TP63: variants seen among roughly 807,000 people sequenced by gnomAD.
TP63 encodes the protein tumor protein p63.
A neutral mutation model predicts 82.8 loss-of-function variants in TP63; 17 were observed. The ratio of observed to expected loss-of-function variants is 0.21; its 90% CI spans 0.14 to 0.31. The LOEUF is 0.31. Ranked by LOEUF, TP63 falls within the 10% of genes least tolerant of loss-of-function variation. The pLI is 1.00. For missense variants in TP63, 648 were observed against 895.3 expected (o/e 0.72, Z 3.52); for synonymous variants, 330 against 321.7 (o/e 1.03, Z -0.28).
chr3:189,757,163 CTA>C (rs1722245819), intron 3 of TP63, among the ~76,000 whole-genome samples: 1 of 152,146 alleles, frequency 6.6e-6, no homozygotes, highest in Non-Finnish European at 1.5e-5. Context: ...GATGAGAAAA[CTA>C]TTAAGATCCA....
chr3:189,674,301 T>C (rs1219186111), intron 1 of TP63, among the ~76,000 whole-genome samples: 1 of 152,158 alleles, frequency 6.6e-6, no homozygotes, highest in Non-Finnish European at 1.5e-5. Flanking sequence ...TAAGTCTGCA[T>C]ATCTCCAAAA....
chr3:189,734,118 C>G (rs964342335), intron 1 of TP63, among the ~76,000 whole-genome samples: 1 of 146,588 alleles, frequency 6.8e-6, no homozygotes, highest in Non-Finnish European at 1.5e-5. Flanking sequence ...CTCTCTCTCT[C>G]TTTCTCTCTT....
intron 3 of TP63, chr3:189,789,912 C>T (rs552604115): frequency 6.5e-5 from 93 of 1,427,000 alleles, no homozygotes; most frequent in Admixed American, 1.6e-4. Context: ...AAAAAACTTA[C>T]GTATTTGCGG....
chr3:189,738,766 C>A lies in TP63; in HGVS notation c.316C>A (p.Pro106Thr). ...IRMQDSDLSD[P>T]MWPQYTNLGL... ...CATGCAGGACTCGGACCTGAGTGAC[C>A]CCATGTGGGTGAGTGGCACAGGCTT... Residue 106 changes from proline (P) to threonine (T), a missense_variant, in exon 3 of 14, where the codon CCC becomes ACC. Physicochemically the swap from Pro to Thr is conservative, Grantham distance 38. This residue lies in a region of TP63 where 182 missense variants were observed against 213.6 expected (regional missense o/e 0.85). Coordinates refer to ENST00000264731, the MANE Select transcript of TP63 (RefSeq NM_003722.5). 1 of 1,613,942 alleles carries A rather than the reference C, an allele frequency of 6.2e-7. No homozygotes were observed. Among genetic ancestry groups the A allele is most frequent in the Non-Finnish European group, 8.5e-7 (1 of 1,179,946 alleles).
intron 1 of TP63, among the ~76,000 whole-genome samples, chr3:189,685,087 G>A (rs1716326073): frequency 6.6e-6 from 1 of 152,114 alleles, no homozygotes; most frequent in Non-Finnish European, 1.5e-5. Context: ...AATAGAATGT[G>A]GTGGAAATTC....
intron 3 of TP63, among the ~76,000 whole-genome samples, chr3:189,796,858 T>C (rs970291341): frequency 6.6e-6 from 1 of 152,102 alleles, no homozygotes; most frequent in Non-Finnish European, 1.5e-5. Context: ...GCATGTTTGA[T>C]ATGGACTAAC....
intron 1 of TP63, among the ~76,000 whole-genome samples, chr3:189,679,391 C>A (rs370126712): frequency 3.3e-5 from 5 of 151,946 alleles, no homozygotes; most frequent in African/African-American, 1.2e-4. Context: ...GTAATGTTTG[C>A]CATTTTTTTC....
At chr3:189,701,765 G>T (rs902208892) in intron 1 of TP63, among the ~76,000 whole-genome samples, 1 of 151,772 alleles carries the variant, frequency 6.6e-6, no homozygotes, top group African/African-American at 2.4e-5. Flanking sequence ...AAGTGACCTG[G>T]GATTGATTCC....
intron 3 of TP63, among the ~76,000 whole-genome samples, chr3:189,752,934 A>G (rs1721927431): frequency 6.6e-6 from 1 of 152,118 alleles, no homozygotes; most frequent in Admixed American, 6.6e-5. Context: ...CATTTTGTTT[A>G]ATTGCTAAGT....
At chr3:189,614,350 C>CT in the TP63 span, among the ~76,000 whole-genome samples, 2 of 152,146 alleles carry the variant, frequency 1.3e-5, no homozygotes, top group African/African-American at 4.8e-5. Flanking sequence ...GTAAGAAGTG[C>CT]TTTTTGCCTC....
intron 1 of TP63, among the ~76,000 whole-genome samples, chr3:189,666,723 C>T (rs1714420486): frequency 6.6e-6 from 1 of 152,054 alleles, no homozygotes; most frequent in African/African-American, 2.4e-5. Context: ...AAACTTTTGG[C>T]AGTTTCTTGG....
intron 3 of TP63, chr3:189,789,659 C>T (rs1724918580): frequency 7.0e-7 from 1 of 1,438,416 alleles, no homozygotes; most frequent in Non-Finnish European, 9.1e-7. Context: ...AAATTATGTA[C>T]AGAGAGAGAA....
At position 189,872,900 on chromosome 3, in the gene TP63, A is replaced by G. The variant is rs770959540; in HGVS notation, c.1254A>G (p.Lys418=). Residue 418 remains lysine, a synonymous_variant, in exon 10 of 14, where the codon AAA becomes AAG. Coordinates refer to ENST00000264731, the MANE Select transcript of TP63 (RefSeq NM_003722.5). ...RETYEMLLKI[K]ESLELMQYLP... ...CTTATGAAATGCTGTTGAAGATCAA[A>G]GAGTCCCTGGAACTCATGCAGTACC... 6 of 1,614,156 alleles carry G rather than the reference A, an allele frequency of 3.7e-6. No homozygotes were observed. Among genetic ancestry groups the G allele is most frequent in the Non-Finnish European group, 5.1e-6 (6 of 1,180,014 alleles).
intron 1 of TP63, among the ~76,000 whole-genome samples, chr3:189,723,621 T>A (rs1397518230): frequency 6.6e-6 from 1 of 152,192 alleles, no homozygotes; most frequent in African/African-American, 2.4e-5. Flanking sequence ...ATTTGGTTTT[T>A]CTCTCCATGA....
intron 3 of TP63, among the ~76,000 whole-genome samples, chr3:189,763,095 A>T (rs1722699555): frequency 6.6e-6 from 1 of 151,948 alleles, no homozygotes; most frequent in South Asian, 2.1e-4. Context: ...ACCTAGTGAG[A>T]CCCCTGTCTC....
intron 3 of TP63, among the ~76,000 whole-genome samples, chr3:189,761,273 T>A (rs973074039): frequency 2.0e-5 from 3 of 152,190 alleles, no homozygotes; most frequent in Admixed American, 6.5e-5. Flanking sequence ...TTTTCCAAAC[T>A]TTTGTGCTGT....
Position 189,716,029 on chromosome 3 carries a change from A to C in TP63, c.63-21711A>C, listed in dbSNP as rs145249089. ...ACTAAAAACTATATACATCTCATTT[A>C]CTCATACAGCGATATAGCACATTAA... On this transcript the variant is annotated intron_variant, in intron 1 of 13. Coordinates refer to ENST00000264731, the MANE Select transcript of TP63 (RefSeq NM_003722.5). Among the ~76,000 whole-genome samples, 916 of 152,248 alleles carry C rather than the reference A, an allele frequency of 6.0e-3. 9 individuals are homozygous for C. Among genetic ancestry groups the C allele is most frequent in the African/African-American group, 0.02 (829 of 41,558 alleles).
intron 3 of TP63, among the ~76,000 whole-genome samples, chr3:189,767,788 T>C (rs1026902812): frequency 2.0e-5 from 3 of 152,112 alleles, no homozygotes; most frequent in African/African-American, 7.2e-5. Context: ...GACTCAAATA[T>C]CTCAATAAAC....
rs185284975 is a variant in TP63, at chr3:189,830,120, A to G, written c.579+21594A>G. On this transcript the variant is annotated intron_variant, in intron 4 of 13. Coordinates refer to ENST00000264731, the MANE Select transcript of TP63 (RefSeq NM_003722.5). ...GGGAATGGGGCTTTGGTGAGAGAGCATTGGACTGTTGGTTATAGAAACACA... is the reference window on the plus strand; with the variant it reads ...GGGAATGGGGCTTTGGTGAGAGAGCGTTGGACTGTTGGTTATAGAAACACA... The G allele has an allele frequency of 7.2e-4, 131 of 180,884 alleles. 1 individual carries two copies. The highest frequency in any genetic ancestry group is 2.8e-3 in the African/African-American group (118 of 41,688). 11.2% of individuals were successfully genotyped at this position (180,884 alleles called of 1,614,324 possible).
Sources: gnomAD v4.1 joint callset for allele counts (sites outside exome capture counted in the v4.1 genomes callset) on GRCh38, gnomAD v4.1.1 for gene constraint, gnomAD v4.1.1 regional missense constraint, MANE v1.5 for transcripts, NCBI Gene and HGNC (gene_info 2026-07-23, HGNC 2026-07-21) for gene names.